The following CIDEB variants were observed in gnomAD, a reference collection of about 807,000 sequenced individuals.
CIDEB encodes the protein cell death inducing DFFA like effector b, also known as lipid transferase CIDEB.
Under a neutral mutation model 22.4 loss-of-function variants are expected in CIDEB, and 27 were observed. That is an observed-to-expected ratio of 1.21 (90% CI 0.89 to 1.66). The LOEUF is 1.66. CIDEB is among the 40% of genes most tolerant of loss of function. CIDEB has a pLI of 0.00. For missense variants in CIDEB, 289 were observed against 268.7 expected (o/e 1.08, Z -0.53); for synonymous variants, 103 against 109.5 (o/e 0.94, Z 0.37).
At chr14:24,307,265 G>T in intron 2 of CIDEB, 106 bp downstream of exon 2, 1 of 1,256,436 alleles carries the variant, frequency 8.0e-7, no homozygotes, top group African/African-American at 1.5e-5. Context: ...CAGAGGGAGG[G>T]GCAGCTGTGT....
chr14:24,308,182 GTTTTTTTATTTCTATGGAGGGAA>G, upstream of CIDEB: 1 of 372,952 alleles, frequency 2.7e-6, no homozygotes, highest in Non-Finnish European at 5.0e-6. Flanking sequence ...GACTTCTGGT[GTTTTTTTATTTCTATGGAGGGAA>G]TTTCTGGGGA....
Position 24,307,812 on chromosome 14 carries a change from A to G in CIDEB, c.41+6T>C, listed in dbSNP as rs1253808457. 1 of 1,593,188 alleles carries G rather than the reference A, an allele frequency of 6.3e-7. No homozygotes were observed. The highest frequency in any genetic ancestry group is 1.1e-5 in the South Asian group (1 of 87,830). On this transcript the variant is annotated splice_donor_region_variant and intron_variant, in intron 1 of 4. Transcript: ENST00000554411. ...GTGGAGGGTAGAGCGGAGGGTTAGC[A>G]GTCACCTGAGTAAGTCACTGGGGTT...
chr14:24,311,212 G>T (rs940046681), upstream of CIDEB: 24 of 1,609,058 alleles, frequency 1.5e-5, no homozygotes, highest in Non-Finnish European at 2.0e-5. Flanking sequence ...GCCCACCTGA[G>T]CCTGGAGACT....
chr14:24,307,944 A>G lies in CIDEB; in HGVS notation c.-86T>C. ...GGCTTTAGTGGTGTTTTCTGTTACAAACCTGGGATCTCAGCCCAGGACAAG... is the reference window on the plus strand; with the variant it reads ...GGCTTTAGTGGTGTTTTCTGTTACAGACCTGGGATCTCAGCCCAGGACAAG... On this transcript the variant is annotated 5_prime_UTR_variant, in exon 1 of 5. Coordinates refer to ENST00000554411, the MANE Select transcript of CIDEB (RefSeq NM_001393339.1). 6 of 1,244,468 alleles carry G rather than the reference A, an allele frequency of 4.8e-6. No homozygotes were observed. Among genetic ancestry groups the G allele is most frequent in the Admixed American group, 2.0e-5 (1 of 50,514 alleles). The allele number at this position is 1,244,468 out of a possible 1,614,324, so 77.1% of individuals were successfully genotyped here. A position where few individuals can be genotyped will look rare whatever the true frequency, so the allele number is the denominator to read the frequency against.
chr14:24,306,215 C>T (rs2041501793), intron 3 of CIDEB, 78 bp from the exon 4 acceptor site: 5 of 1,539,192 alleles, frequency 3.2e-6, no homozygotes, highest in Non-Finnish European at 4.4e-6. Flanking sequence ...CTGGGTCAGA[C>T]CCTCCCTCGC....
Position 24,305,550 on chromosome 14 carries a change from C to T in CIDEB, c.*83G>A. On this transcript the variant is annotated 3_prime_UTR_variant, in exon 5 of 5. Coordinates refer to ENST00000554411, the MANE Select transcript of CIDEB (RefSeq NM_001393339.1). ...GGGTGGGTTATCTAGCCTGTACTGTCTGCAGGTCCTGAAATTTGATGCTGT... is the reference window on the plus strand; with the variant it reads ...GGGTGGGTTATCTAGCCTGTACTGTTTGCAGGTCCTGAAATTTGATGCTGT... The T allele has an allele frequency of 6.5e-7, 1 of 1,529,218 alleles. No homozygotes were observed. The highest frequency in any genetic ancestry group is 1.4e-5 in the African/African-American group (1 of 72,578). The allele number at this position is 1,529,218 out of a possible 1,614,324, so 94.7% of individuals were successfully genotyped here.
chr14:24,310,407 C>T, upstream of CIDEB: 1 of 640,746 alleles, frequency 1.6e-6, no homozygotes. Flanking sequence ...GCCTGTTTAC[C>T]ACTGAGCTCT....
Position 24,305,432 on chromosome 14 carries a change from A to G in CIDEB, c.*201T>C. The stretch of plus-strand genomic sequence containing the variant: ...AGGCCAGAAAGGTGGCTAGGAAAGA[A>G]CAGCATTCTTCAGGTAAGGGTATAG... On this transcript the variant is annotated 3_prime_UTR_variant, in exon 5 of 5. Coordinates refer to ENST00000554411, the MANE Select transcript of CIDEB (RefSeq NM_001393339.1). 1 of 657,220 alleles carries G rather than the reference A, an allele frequency of 1.5e-6. No individual in the cohort carries two copies. The highest frequency in any genetic ancestry group is 2.4e-5 in the South Asian group (1 of 41,906). 40.7% of individuals were successfully genotyped at this position (657,220 alleles called of 1,614,324 possible).
upstream of CIDEB, chr14:24,310,911 A>AC (rs769070687): frequency 3.8e-6 from 6 of 1,590,442 alleles, no homozygotes; most frequent in Non-Finnish European, 5.1e-6. Context: ...GGCCTTCCTG[A>AC]CCCGGCAGGC....
intron 1 of CIDEB, 65 bp from the exon 2 acceptor site, chr14:24,307,580 T>TGAGG (rs1282657219): frequency 2.9e-5 from 46 of 1,564,516 alleles, no homozygotes; most frequent in Non-Finnish European, 3.8e-5. Flanking sequence ...AAGGGCATGA[T>TGAGG]GAGGGTAGAG....
In CIDEB at chr14:24,306,898, T is replaced by C; in HGVS notation, c.187-375A>G. 9.8e-6 allele frequency: 3 copies of C among 307,290 alleles called. No homozygotes were observed. In the East Asian group the frequency reaches 2.1e-4, roughly 21 times the overall value. 19.0% of individuals were successfully genotyped at this position (307,290 alleles called of 1,614,324 possible). A position where few individuals can be genotyped will look rare whatever the true frequency, so the allele number is the denominator to read the frequency against. On this transcript the variant is annotated intron_variant, in intron 2 of 4. Transcript: ENST00000554411. Reference sequence around the variant, plus strand: ...TCTCCAGAAGTGTTTTCAGTAATAGTGTTTAACCTTTTTGAGTCCTTACTC... The same window carrying C: ...TCTCCAGAAGTGTTTTCAGTAATAGCGTTTAACCTTTTTGAGTCCTTACTC...
At chr14:24,306,744 T>C in intron 2 of CIDEB, 1 of 573,860 alleles carries the variant, frequency 1.7e-6, no homozygotes, top group South Asian at 2.1e-5. Context: ...TACCATGTCA[T>C]TGGCATCTCC....
chr14:24,309,993 CTT>C (rs1228375571), upstream of CIDEB: 1 of 157,268 alleles, frequency 6.4e-6, no homozygotes. Flanking sequence ...ACCAGGGAAT[CTT>C]ACTGCCCCAC....
Position 24,305,782 on chromosome 14 carries a change from A to C in CIDEB, c.528-17T>G. Reference sequence around the variant, plus strand: ...AGGAGCTCCCTGAATGGCAGAGACAAGAGGAAATCAGATGATTTGGAAAAC... The same window carrying C: ...AGGAGCTCCCTGAATGGCAGAGACACGAGGAAATCAGATGATTTGGAAAAC... On this transcript the variant is annotated splice_polypyrimidine_tract_variant and intron_variant, in intron 4 of 4. Transcript: ENST00000554411. The C allele has an allele frequency of 6.2e-7, 1 of 1,605,406 alleles. No individual in the cohort carries two copies. Among genetic ancestry groups the C allele is most frequent in the Non-Finnish European group, 8.5e-7 (1 of 1,177,148 alleles).
intron 1 of CIDEB, 30 bp from the exon 2 acceptor site, chr14:24,307,545 G>T: frequency 2.5e-6 from 4 of 1,606,426 alleles, no homozygotes; most frequent in Non-Finnish European, 3.4e-6. Flanking sequence ...GTCAAGAAGG[G>T]GCGAGGAGGG....
rs950306794 is a variant in CIDEB, at chr14:24,305,678, C to A, written c.615G>T (p.Glu205Asp). ...GISSTLRHAV[E>D]GAEQWQQKGR... ...CCTTCTGCTGCCACTGCTCAGCCCC[C>A]TCCACTGCATGACGAAGGGTGGAGG... is the stretch of plus-strand genomic sequence containing the variant. The change falls in exon 5 of 5, where the codon GAG (glutamate) becomes GAT (aspartate). Residue 205 changes from glutamate (E) to aspartate (D), a missense_variant. Coordinates refer to ENST00000554411, the MANE Select transcript of CIDEB (RefSeq NM_001393339.1). 1 of 1,614,090 alleles carries A rather than the reference C, an allele frequency of 6.2e-7. No homozygotes were observed. Among genetic ancestry groups the A allele is most frequent in the African/African-American group, 1.3e-5 (1 of 74,924 alleles).
upstream of CIDEB, chr14:24,310,941 G>T (rs761065714): frequency 6.3e-7 from 1 of 1,591,550 alleles, no homozygotes; most frequent in Admixed American, 1.7e-5. Flanking sequence ...GGGCCAGGCG[G>T]GCTGCAAGGC....
upstream of CIDEB, chr14:24,311,381 C>A: frequency 6.2e-7 from 1 of 1,603,244 alleles, no homozygotes; most frequent in Non-Finnish European, 8.5e-7. Flanking sequence ...TCTGGGCCCC[C>A]TACCACGCAG....
chr14:24,310,750 T>C, upstream of CIDEB: 1 of 1,610,906 alleles, frequency 6.2e-7, no homozygotes. Context: ...TTCCTGCTGC[T>C]GGCGGCGCTG....
Sources: allele counts gnomAD v4.1 joint callset, GRCh38; gene constraint gnomAD v4.1.1; transcripts MANE v1.5; gene names NCBI Gene and HGNC (gene_info 2026-07-23, HGNC 2026-07-21).